CNTNAP2: variants seen among roughly 807,000 people sequenced by gnomAD.
CNTNAP2 encodes contactin associated protein 2, also known as contactin-associated protein-like 2.
CNTNAP2 carries 98 observed loss-of-function variants against 155.2 expected under a neutral mutation model. The observed-to-expected ratio is 0.63, with a 90% CI of 0.54 to 0.75. The LOEUF (loss-of-function observed/expected upper bound fraction) is 0.75, where lower values mean the gene tolerates loss of function less well. CNTNAP2 is among the 30% of genes least tolerant of loss of function. The pLI is 0.00. For missense variants in CNTNAP2, 1,727 were observed against 1,688.1 expected (o/e 1.02, Z -0.40); for synonymous variants, 651 against 631.2 (o/e 1.03, Z -0.47).
At chr7:147,782,832 GTA>G (rs1159385185) in intron 13 of CNTNAP2, among the ~76,000 whole-genome samples, 1 of 152,130 alleles carries the variant, frequency 6.6e-6, no homozygotes, top group Non-Finnish European at 1.5e-5. Context: ...CAATCAGGTT[GTA>G]TAGTAACTAT....
At chr7:147,270,723 T>C (rs548626097) in intron 8 of CNTNAP2, among the ~76,000 whole-genome samples, 1 of 152,314 alleles carries the variant, frequency 6.6e-6, no homozygotes, top group Admixed American at 6.5e-5. Flanking sequence ...ATGGCTCAGA[T>C]GTGTGTATTA....
intron 8 of CNTNAP2, among the ~76,000 whole-genome samples, chr7:147,151,132 T>C (rs2129289286): frequency 6.6e-6 from 1 of 152,322 alleles, no homozygotes; most frequent in Admixed American, 6.5e-5. Flanking sequence ...GTTTTATCTG[T>C]GATGATAGCC....
chr7:148,223,331 C>T (rs1489439495), intron 19 of CNTNAP2, among the ~76,000 whole-genome samples: 1 of 152,118 alleles, frequency 6.6e-6, no homozygotes, highest in Non-Finnish European at 1.5e-5. Context: ...GATAAATATG[C>T]CCTGTCTTCC....
intron 1 of CNTNAP2, among the ~76,000 whole-genome samples, chr7:146,195,882 T>G (rs1460738662): frequency 1.3e-5 from 2 of 152,234 alleles, no homozygotes; most frequent in Non-Finnish European, 2.9e-5. Context: ...CTTTTTAACA[T>G]GTACTCTGGA....
intron 3 of CNTNAP2, among the ~76,000 whole-genome samples, chr7:146,859,649 A>C (rs1393176710): frequency 6.6e-6 from 1 of 150,712 alleles, no homozygotes; most frequent in East Asian, 2.0e-4. Context: ...AGAGGAGTGA[A>C]ATTCCGTCTC....
At chr7:148,121,363 G>A (rs1053744016) in intron 16 of CNTNAP2, among the ~76,000 whole-genome samples, 6 of 152,040 alleles carry the variant, frequency 3.9e-5, no homozygotes, top group Admixed American at 2.0e-4. Flanking sequence ...CAGACACTTC[G>A]CCATCAGGAT....
chr7:146,892,099 T>C lies in CNTNAP2; in HGVS notation c.402+52195T>C, dbSNP rs555988888. 4.6e-5 allele frequency among the ~76,000 whole-genome samples: 7 copies of C among 152,274 alleles called. No homozygotes were observed. The South Asian group carries it at 1.5e-3, about 32-fold the overall frequency. ...GGGTAGAGTTGGTGGCAGCAGTTCA[T>C]TTGTGCTTTGTGTGCCATCAGCTGA... On this transcript the variant is annotated intron_variant, in intron 3 of 23. Coordinates refer to ENST00000361727, the MANE Select transcript of CNTNAP2 (RefSeq NM_014141.6).
intron 3 of CNTNAP2, among the ~76,000 whole-genome samples, chr7:146,950,442 C>T (rs10281226): frequency 0.37 from 55,615 of 151,870 alleles, 10,687 homozygotes; most frequent in Middle Eastern, 0.43. Context: ...CTCTCCCTCC[C>T]CTTGCCCCCC....
At chr7:146,928,085 C>G (rs1385821516) in intron 3 of CNTNAP2, among the ~76,000 whole-genome samples, 1 of 151,774 alleles carries the variant, frequency 6.6e-6, no homozygotes, top group East Asian at 1.9e-4. Context: ...CTGGCTACTC[C>G]TGGTATTTCT....
At chr7:147,504,791 T>A (rs1798878557) in intron 11 of CNTNAP2, among the ~76,000 whole-genome samples, 1 of 150,428 alleles carries the variant, frequency 6.6e-6, no homozygotes, top group Non-Finnish European at 1.5e-5. Flanking sequence ...GATTGTATTT[T>A]TTGTTTAAAA....
chr7:148,038,837 T>C (rs1473729886), intron 15 of CNTNAP2, among the ~76,000 whole-genome samples: 2 of 151,186 alleles, frequency 1.3e-5, no homozygotes, highest in African/African-American at 4.9e-5. Context: ...GATGGATGGA[T>C]GGATGGATGG....
At chr7:147,409,590 A>T (rs1797068008) in intron 10 of CNTNAP2, among the ~76,000 whole-genome samples, 2 of 152,198 alleles carry the variant, frequency 1.3e-5, no homozygotes, top group Non-Finnish European at 2.9e-5. Flanking sequence ...CAGCAAAAGA[A>T]ACTATCATCA....
Position 148,415,745 on chromosome 7 carries a change from A to AATGGAATATAATGGAATATTCTTG in CNTNAP2, c.*131_*154dup. ...TCAGCACAAGTTGGGGGAGGCAGGCAATGGAATATAATGGAATATTCTTGA... is the reference window on the plus strand; with the variant it reads ...TCAGCACAAGTTGGGGGAGGCAGGCAATGGAATATAATGGAATATTCTTGATGGAATATAATGGAATATTCTTGA... On this transcript the variant is annotated 3_prime_UTR_variant, in exon 24 of 24. Transcript: ENST00000361727. The AATGGAATATAATGGAATATTCTTG allele has an allele frequency of 1.1e-6, 1 of 901,214 alleles. No individual in the cohort carries two copies. The highest frequency in any genetic ancestry group is 1.6e-5 in the South Asian group (1 of 64,362). 55.8% of individuals were successfully genotyped at this position (901,214 alleles called of 1,614,324 possible). A position where few individuals can be genotyped will look rare whatever the true frequency, so the allele number is the denominator to read the frequency against.
chr7:148,197,957 T>C (rs939494673), intron 18 of CNTNAP2, among the ~76,000 whole-genome samples: 84 of 152,254 alleles, frequency 5.5e-4, no homozygotes, highest in African/African-American at 2.0e-3. Flanking sequence ...TTGAGTTTCC[T>C]TGAAGCTCTA....
intron 1 of CNTNAP2, among the ~76,000 whole-genome samples, chr7:146,404,118 C>A: frequency 1.3e-5 from 1 of 79,058 alleles, no homozygotes. Context: ...GAGCGAGACT[C>A]CGTCTCAAAA....
At chr7:147,543,321 C>G (rs114718360) in intron 11 of CNTNAP2, among the ~76,000 whole-genome samples, 1 of 152,156 alleles carries the variant, frequency 6.6e-6, no homozygotes, top group African/African-American at 2.4e-5. Context: ...CTGCCCTGGG[C>G]GGGCTAAGTG....
At chr7:146,806,804 G>A (rs1242752716) in intron 2 of CNTNAP2, among the ~76,000 whole-genome samples, 2 of 152,132 alleles carry the variant, frequency 1.3e-5, no homozygotes, top group African/African-American at 4.8e-5. Flanking sequence ...CAGATTCTCA[G>A]TTAGACTTTC....
Position 148,383,715 on chromosome 7 carries a change from G to C in CNTNAP2, c.3542G>C (p.Arg1181Thr). ...NTPGFTGCLS[R>T]VQFNQIAPLK... The stretch of plus-strand genomic sequence containing the variant: ...CCAGGATTCACTGGTTGCCTCTCCA[G>C]AGTCCAGTTCAACCAGATCGCCCCT... The change falls in exon 22 of 24, where the codon AGA becomes ACA. Residue 1181 changes from arginine to threonine, a missense_variant. Physicochemically the swap from Arg to Thr is moderately conservative, Grantham distance 71. Coordinates refer to ENST00000361727, the MANE Select transcript of CNTNAP2 (RefSeq NM_014141.6). 6.2e-7 allele frequency: 1 copy of C among 1,614,198 alleles called. No homozygotes were observed. The highest frequency in any genetic ancestry group is 8.5e-7 in the Non-Finnish European group (1 of 1,180,038).
intron 1 of CNTNAP2, among the ~76,000 whole-genome samples, chr7:146,136,195 C>A (rs1255925578): frequency 6.6e-6 from 1 of 152,060 alleles, no homozygotes; most frequent in East Asian, 1.9e-4. Context: ...TACTCTATGC[C>A]CTTCTTAATA....
Sources: gnomAD v4.1 joint callset for allele counts (sites outside exome capture counted in the v4.1 genomes callset) on GRCh38, gnomAD v4.1.1 for gene constraint, MANE v1.5 for transcripts, NCBI Gene and HGNC (gene_info 2026-07-23, HGNC 2026-07-21) for gene names.